ARHGEF6: variants seen among roughly 807,000 people sequenced by gnomAD.
ARHGEF6 encodes Rac/Cdc42 guanine nucleotide exchange factor 6, also known as rho guanine nucleotide exchange factor 6.
Under a neutral mutation model 70.3 loss-of-function variants are expected in ARHGEF6, and 9 were observed. The ratio of observed to expected loss-of-function variants is 0.13; its 90% CI spans 0.08 to 0.22. The LOEUF (loss-of-function observed/expected upper bound fraction) is 0.22. ARHGEF6 is among the 10% of genes least tolerant of loss of function. The pLI, the probability that ARHGEF6 is intolerant of heterozygous loss-of-function variation, is 1.00. For missense variants in ARHGEF6, 470 were observed against 563.0 expected, an observed-to-expected ratio of 0.83 and a Z score of 1.67; for synonymous variants, 201 against 207.8, an observed-to-expected ratio of 0.97 and a Z score of 0.28.
chrX:136,765,019 G>C (rs187382489), intron 2 of ARHGEF6, among the ~76,000 whole-genome samples: 3 of 112,103 alleles, frequency 2.7e-5, no homozygotes, highest in African/African-American at 9.7e-5. Flanking sequence ...AAGGGAATGA[G>C]TTCTGGAGTC....
At chrX:136,768,095 A>G (rs745832297) in intron 2 of ARHGEF6, among the ~76,000 whole-genome samples, 1 of 110,698 alleles carries the variant, frequency 9.0e-6, no homozygotes, top group Admixed American at 9.5e-5. Flanking sequence ...CCCAAACTCT[A>G]TGGTGAGCCG....
intron 10 of ARHGEF6, among the ~76,000 whole-genome samples, chrX:136,690,062 A>T (rs2076443265): frequency 8.9e-6 from 1 of 112,294 alleles, no homozygotes; most frequent in South Asian, 3.7e-4. Flanking sequence ...CATGATGTGT[A>T]GAGAGATACC....
Position 136,706,856 on chromosome X carries a change from G to A in ARHGEF6, c.1046+52C>T. On this transcript the variant is annotated intron_variant, in intron 9 of 21. Coordinates refer to ENST00000250617, the MANE Select transcript of ARHGEF6 (RefSeq NM_004840.3). Reference sequence around the variant, plus strand: ...AAGACCTTGGATTTCCAAATGACGTGGTCCTAAGAAAGGATCTCATTGCAA... The same window carrying A: ...AAGACCTTGGATTTCCAAATGACGTAGTCCTAAGAAAGGATCTCATTGCAA... 2.5e-6 allele frequency: 3 copies of A among 1,202,153 alleles called. No homozygotes were observed. In the East Asian group the frequency reaches 8.9e-5, roughly 36 times the overall value.
intron 6 of ARHGEF6, among the ~76,000 whole-genome samples, chrX:136,730,291 G>A (rs188901054): frequency 2.2e-4 from 24 of 110,978 alleles, no homozygotes; most frequent in Non-Finnish European, 3.6e-4. Flanking sequence ...AAATCCTGTG[G>A]ATGAAATAGA....
chrX:136,745,350 G>A lies in ARHGEF6; in HGVS notation c.335-3C>T. ...ACATGGTCTTTCTGATAGCTGATCT[G>A]TGAAAAGAGGAAAAGGCATGTTAAA... On this transcript the variant is annotated splice_polypyrimidine_tract_variant and splice_region_variant and intron_variant, in intron 3 of 21. Coordinates refer to ENST00000250617, the MANE Select transcript of ARHGEF6 (RefSeq NM_004840.3). 1 of 1,211,086 alleles carries A rather than the reference G, an allele frequency of 8.3e-7. No homozygotes were observed. The highest frequency in any genetic ancestry group is 1.1e-6 in the Non-Finnish European group (1 of 894,937).
chrX:136,758,298 G>A (rs777457968), intron 2 of ARHGEF6, among the ~76,000 whole-genome samples: 142 of 109,271 alleles, frequency 1.3e-3, no homozygotes, highest in African/African-American at 4.7e-3. Flanking sequence ...TGATCCGCCC[G>A]CCTCGGCCTC....
chrX:136,706,164 GGT>G (rs2076624726), intron 9 of ARHGEF6, among the ~76,000 whole-genome samples: 1 of 111,776 alleles, frequency 8.9e-6, no homozygotes, highest in African/African-American at 3.3e-5. Flanking sequence ...GTCAGGGGTG[GGT>G]AGTCAGAAGC....
intron 6 of ARHGEF6, among the ~76,000 whole-genome samples, chrX:136,722,742 C>T (rs768451195): frequency 8.9e-6 from 1 of 112,260 alleles, no homozygotes; most frequent in Admixed American, 9.4e-5. Flanking sequence ...CTGTGATAAA[C>T]AGTTTGGCCA....
chrX:136,723,838 T>C (rs1048429575), intron 6 of ARHGEF6, among the ~76,000 whole-genome samples: 1 of 110,742 alleles, frequency 9.0e-6, no homozygotes, highest in Non-Finnish European at 1.9e-5. Context: ...GGCAGGAAGA[T>C]TGCTTTTACC....
rs2076867080 is a variant in ARHGEF6, at chrX:136,727,335, TTC to T, written c.732+4765_732+4766del. ...TCTTTCTTTCTTTCTTTTTCTTTCTTTCTTTCTTTCTTTCTTTCTTTCTTTCT... is the reference window on the plus strand; with the variant it reads ...TCTTTCTTTCTTTCTTTTTCTTTCTTTTTCTTTCTTTCTTTCTTTCTTTCT... On this transcript the variant is annotated intron_variant, in intron 6 of 21. Transcript: ENST00000250617. Among the ~76,000 whole-genome samples the T allele has an allele frequency of 1.0e-3, 36 of 34,768 alleles. No individual in the cohort carries two copies. In the South Asian group the frequency reaches 0.043, roughly 41 times the overall value. The allele number at this position is 34,768 out of a possible 115,157, so 30.2% of individuals were successfully genotyped here. A position where few individuals can be genotyped will look rare whatever the true frequency, so the allele number is the denominator to read the frequency against.
chrX:136,734,366 A>G (rs2076965383), intron 5 of ARHGEF6, among the ~76,000 whole-genome samples: 1 of 111,892 alleles, frequency 8.9e-6, no homozygotes, highest in Non-Finnish European at 1.9e-5. Context: ...ATGGAATACT[A>G]CAAACAACTC....
intron 7 of ARHGEF6, among the ~76,000 whole-genome samples, chrX:136,713,075 C>A (rs1363623546): frequency 1.3e-4 from 14 of 110,423 alleles, no homozygotes; most frequent in Admixed American, 1.3e-3. Flanking sequence ...CCTTTCACAG[C>A]CAGAAGAGAA....
chrX:136,745,739 C>A (rs747254387), intron 3 of ARHGEF6, among the ~76,000 whole-genome samples: 2 of 111,715 alleles, frequency 1.8e-5, no homozygotes, highest in East Asian at 2.8e-4. Context: ...TGTTTTTTGG[C>A]CCATAACTCA....
At chrX:136,680,403 G>A (rs2076321933) in intron 15 of ARHGEF6, among the ~76,000 whole-genome samples, 1 of 112,453 alleles carries the variant, frequency 8.9e-6, no homozygotes, top group Non-Finnish European at 1.9e-5. Context: ...CTGTTAGTAG[G>A]AGAATAACCA....
At chrX:136,710,290 G>A (rs2076670939) in intron 7 of ARHGEF6, among the ~76,000 whole-genome samples, 2 of 99,288 alleles carry the variant, frequency 2.0e-5, no homozygotes, top group Admixed American at 1.2e-4. Context: ...GGGGTGGAGT[G>A]TATTGTATAT....
At chrX:136,763,520 G>A (rs978661792) in intron 2 of ARHGEF6, among the ~76,000 whole-genome samples, 1 of 111,971 alleles carries the variant, frequency 8.9e-6, no homozygotes, top group Non-Finnish European at 1.9e-5. Flanking sequence ...TGTACTGGGC[G>A]CTAGGGTTAT....
At chrX:136,748,792 C>T (rs917652763) in intron 2 of ARHGEF6, among the ~76,000 whole-genome samples, 3 of 112,106 alleles carry the variant, frequency 2.7e-5, no homozygotes, top group African/African-American at 9.7e-5. Context: ...CCATTTGTTC[C>T]ATTTTTAAGC....
At chrX:136,698,674 A>G (rs1160770520) in intron 9 of ARHGEF6, among the ~76,000 whole-genome samples, 2 of 112,418 alleles carry the variant, frequency 1.8e-5, no homozygotes, top group Admixed American at 9.4e-5. Flanking sequence ...ATCTTTCAAA[A>G]TGGAAGGTGG....
At chrX:136,775,762 T>G (rs780071038) in intron 2 of ARHGEF6, among the ~76,000 whole-genome samples, 3 of 111,467 alleles carry the variant, frequency 2.7e-5, no homozygotes, top group Non-Finnish European at 5.6e-5. Context: ...AAACTCTCAC[T>G]GTTTGCTGAT....
Sources: allele counts gnomAD v4.1 joint callset (sites outside exome capture counted in the v4.1 genomes callset), GRCh38; gene constraint gnomAD v4.1.1; transcripts MANE v1.5; gene names NCBI Gene and HGNC (gene_info 2026-07-23, HGNC 2026-07-21).